Variants in ZNF558 observed in about 807,000 individuals in gnomAD.
ZNF558 encodes zinc finger protein 558.
A neutral mutation model predicts 37.6 loss-of-function variants in ZNF558; 23 were observed. The observed-to-expected ratio is 0.61, with a 90% CI of 0.44 to 0.87. The LOEUF (loss-of-function observed/expected upper bound fraction) is 0.87. Among genes scored for constraint, ZNF558 ranks in the 40% least tolerant of loss-of-function variants. The pLI, the probability that ZNF558 is intolerant of heterozygous loss-of-function variation, is 0.00. For synonymous variants in ZNF558, 189 were observed against 174.4 expected (o/e 1.08, Z -0.66); for missense variants, 429 against 483.7 (o/e 0.89, Z 1.06).
chr19:8,823,983 CCT>C (rs1176660147), intron 4 of ZNF558, 97 bp downstream of exon 4: 1 of 153,004 alleles, frequency 6.5e-6, no homozygotes, highest in Non-Finnish European at 1.5e-5. Context: ...TCCCCTGTCC[CCT>C]CTGTGGTAAC....
chr19:8,831,590 G>C (rs1028993647), intron 1 of ZNF558, among the ~76,000 whole-genome samples, 189 bp from the exon 2 acceptor site: 1 of 152,202 alleles, frequency 6.6e-6, no homozygotes, highest in African/African-American at 2.4e-5. Context: ...CATCTGCTCC[G>C]TAAGAGGGGA....
chr19:8,810,022 T>C lies in ZNF558; in HGVS notation c.*1259A>G, dbSNP rs2043746465. 6.6e-6 allele frequency: 1 copy of C among 152,236 alleles called. No individual in the cohort carries two copies. Among genetic ancestry groups the C allele is most frequent in the Non-Finnish European group, 1.5e-5 (1 of 68,018 alleles). The allele number at this position is 152,236 out of a possible 1,614,324, so 9.4% of individuals were successfully genotyped here. A position where few individuals can be genotyped will look rare whatever the true frequency, so the allele number is the denominator to read the frequency against. On this transcript the variant is annotated 3_prime_UTR_variant, in exon 10 of 10. Transcript: ENST00000601372. ...TTTCCAATATTAATATACTCATAGGTTTTGCATCCAGGGAGAAGTTCCATA... is the reference window on the plus strand; with the variant it reads ...TTTCCAATATTAATATACTCATAGGCTTTGCATCCAGGGAGAAGTTCCATA...
chr19:8,836,388 TTCC>T (rs1277946897), upstream of ZNF558, among the ~76,000 whole-genome samples: 1 of 151,598 alleles, frequency 6.6e-6, no homozygotes. Context: ...ACTCCTCCCC[TTCC>T]TCCTCCTCCT....
Position 8,813,165 on chromosome 19 carries a change from A to C in ZNF558, c.305T>G (p.Val102Gly). The change falls in exon 8 of 10, where the codon GTG (valine) becomes GGG (glycine). Residue 102 changes from valine to glycine, a missense_variant. Physicochemically the swap from Val to Gly is moderately radical, Grantham distance 109. Coordinates refer to ENST00000601372, the MANE Select transcript of ZNF558 (RefSeq NM_144693.3). ...ISQLEQDKKV[V>G]TEERGILPST... ...TGGTAGAATTCCTCTTTCCTCTGTCACCACCTTCTTGTCTTGTTCCAACTG... is the reference window on the plus strand; with the variant it reads ...TGGTAGAATTCCTCTTTCCTCTGTCCCCACCTTCTTGTCTTGTTCCAACTG... 9 of 1,599,294 alleles carry C rather than the reference A, an allele frequency of 5.6e-6. No individual in the cohort carries two copies. Among genetic ancestry groups the C allele is most frequent in the Non-Finnish European group, 7.7e-6 (9 of 1,172,306 alleles).
chr19:8,816,554 A>G (rs1330522514), intron 7 of ZNF558, among the ~76,000 whole-genome samples: 2 of 152,184 alleles, frequency 1.3e-5, no homozygotes, highest in African/African-American at 2.4e-5. Flanking sequence ...CAAGAATTCT[A>G]TATCTGGCAA....
intron 3 of ZNF558, among the ~76,000 whole-genome samples, 192 bp from the exon 4 acceptor site, chr19:8,824,609 G>A (rs138888913): frequency 1.2e-3 from 190 of 152,264 alleles, no homozygotes; most frequent in African/African-American, 4.5e-3. Flanking sequence ...TGCAACCTGT[G>A]CCCCACCCTT....
In ZNF558 at chr19:8,821,232, C is replaced by T; in HGVS notation, c.195G>A (p.Arg65=). The T allele has an allele frequency of 2.5e-6, 4 of 1,614,198 alleles. No individual in the cohort carries two copies. Among genetic ancestry groups the T allele is most frequent in the Non-Finnish European group, 3.4e-6 (4 of 1,180,040 alleles). Residue 65 remains arginine, a synonymous_variant, in exon 7 of 10, where the codon AGG becomes AGA. Coordinates refer to ENST00000601372, the MANE Select transcript of ZNF558 (RefSeq NM_144693.3). ...EEWALLDPAQ[R]TLYRDVMLEN... is the part of the protein sequence containing the mutation. ...CCAGCATCACATCCCTGTACAGTGT[C>T]CTTTGGGCAGGGTCCAGCAACGCCC...
chr19:8,821,231 T>A lies in ZNF558; in HGVS notation c.196A>T (p.Thr66Ser), dbSNP rs149091563. 3 of 1,614,040 alleles carry A rather than the reference T, an allele frequency of 1.9e-6. No homozygotes were observed. The highest frequency in any genetic ancestry group is 2.5e-6 in the Non-Finnish European group (3 of 1,180,040). Residue 66 changes from threonine to serine, a missense_variant, in exon 7 of 10, where the codon ACA (threonine) becomes TCA (serine). By Grantham distance (58) the Thr-to-Ser change is moderately conservative. Coordinates refer to ENST00000601372, the MANE Select transcript of ZNF558 (RefSeq NM_144693.3). ...EWALLDPAQR[T>S]LYRDVMLENC... ...TCCAGCATCACATCCCTGTACAGTGTCCTTTGGGCAGGGTCCAGCAACGCC... is the reference window on the plus strand; with the variant it reads ...TCCAGCATCACATCCCTGTACAGTGACCTTTGGGCAGGGTCCAGCAACGCC...
upstream of ZNF558, among the ~76,000 whole-genome samples, chr19:8,834,721 A>T (rs1191689219): frequency 2.6e-5 from 4 of 152,152 alleles, no homozygotes; most frequent in Non-Finnish European, 5.9e-5. Flanking sequence ...TACAAAAGTG[A>T]GCTCAAAATA....
rs781819060 is a variant in ZNF558, at chr19:8,811,698, A to G, written c.792T>C (p.His264=). ...AAGCTTTTCCACACTGATTACATTC[A>G]TGGTGATTCTCCCCCGTGTGAATCC... is the stretch of plus-strand genomic sequence containing the variant. ...HKRIHTGENH[H]ECNQCGKAFS... The change falls in exon 10 of 10, where the codon CAT becomes CAC. Residue 264 remains histidine, a synonymous_variant. Coordinates refer to ENST00000601372, the MANE Select transcript of ZNF558 (RefSeq NM_144693.3). The G allele has an allele frequency of 2.5e-6, 4 of 1,614,174 alleles. No individual in the cohort carries two copies. In the South Asian group the frequency reaches 3.3e-5, roughly 13 times the overall value.
At chr19:8,833,329 A>T (rs1034095947), upstream of ZNF558, 2 of 152,240 alleles carry the variant, frequency 1.3e-5, no homozygotes, top group Admixed American at 6.5e-5. Context: ...GGGGAGCAGG[A>T]GAGGACTGGG....
At position 8,811,854 on chromosome 19, in the gene ZNF558, G is replaced by C. The variant is rs1555768243; in HGVS notation, c.636C>G (p.His212Gln). ...HNGEKPYECN[H>Q]CGKAFSDPSS... Reference sequence around the variant, plus strand: ...AGGGATCACTAAATGCTTTCCCACAGTGATTGCATTCATAGGGTTTCTCCC... The same window carrying C: ...AGGGATCACTAAATGCTTTCCCACACTGATTGCATTCATAGGGTTTCTCCC... The change falls in exon 10 of 10, where the codon CAC (histidine) becomes CAG (glutamine). Residue 212 changes from histidine to glutamine, a missense_variant. By Grantham distance (24) the His-to-Gln change is conservative. Transcript: ENST00000601372. 2 of 1,614,116 alleles carry C rather than the reference G, an allele frequency of 1.2e-6. No homozygotes were observed. Among genetic ancestry groups the C allele is most frequent in the African/African-American group, 1.3e-5 (1 of 75,036 alleles).
upstream of ZNF558, among the ~76,000 whole-genome samples, chr19:8,835,048 G>GTT (rs777643019): frequency 2.0e-4 from 29 of 142,234 alleles, no homozygotes; most frequent in Admixed American, 2.1e-4. Flanking sequence ...TGAACAAAGA[G>GTT]TTTTTTTTTT....
At position 8,806,913 on chromosome 19, in the gene ZNF558, A is replaced by C. The variant is rs1425502179; in HGVS notation, c.*4368T>G. 1 of 152,008 alleles carries C rather than the reference A, an allele frequency of 6.6e-6. No individual in the cohort carries two copies. Among genetic ancestry groups the C allele is most frequent in the African/African-American group, 2.4e-5 (1 of 41,368 alleles). The allele number at this position is 152,008 out of a possible 1,614,324, so 9.4% of individuals were successfully genotyped here. On this transcript the variant is annotated 3_prime_UTR_variant, in exon 10 of 10. Coordinates refer to ENST00000601372, the MANE Select transcript of ZNF558 (RefSeq NM_144693.3). ...TCTTACTGATGCTGCTTTGAAAGCA[A>C]TGTGTCCTTCTTCTTTGGTTGTTTG...
At chr19:8,832,967 T>TG (rs150231304), upstream of ZNF558, 1,703 of 101,328 alleles carry the variant, frequency 0.017, 54 homozygotes, top group East Asian at 0.17. Flanking sequence ...GGCGGAGCTA[T>TG]GGGGTGGCAG....
In ZNF558 at chr19:8,821,441, C is replaced by T. The variant is rs936179580; in HGVS notation, c.121-135G>A. Reference sequence around the variant, plus strand: ...GTTGGGGGGGGTGGTTCTGAGCTCACCTCCCAGGGTTCTGAGCTCCTCTCC... The same window carrying T: ...GTTGGGGGGGGTGGTTCTGAGCTCATCTCCCAGGGTTCTGAGCTCCTCTCC... On this transcript the variant is annotated intron_variant, in intron 6 of 9. Coordinates refer to ENST00000601372, the MANE Select transcript of ZNF558 (RefSeq NM_144693.3). 4.5e-6 allele frequency: 7 copies of T among 1,554,564 alleles called. No individual in the cohort carries two copies. In the Admixed American group the frequency reaches 1.1e-4, roughly 25 times the overall value.
chr19:8,817,456 T>G (rs1030567841), intron 7 of ZNF558, among the ~76,000 whole-genome samples: 1 of 151,466 alleles, frequency 6.6e-6, no homozygotes, highest in African/African-American at 2.5e-5. Context: ...AACTGTAGGC[T>G]AATGTAAGTG....
chr19:8,806,598 C>T lies in ZNF558; in HGVS notation c.*4683G>A, dbSNP rs2043705831. The T allele has an allele frequency of 6.6e-6, 1 of 151,296 alleles. No homozygotes were observed. The highest frequency in any genetic ancestry group is 2.1e-4 in the South Asian group (1 of 4,810). 9.4% of individuals were successfully genotyped at this position (151,296 alleles called of 1,614,324 possible). A position where few individuals can be genotyped will look rare whatever the true frequency, so the allele number is the denominator to read the frequency against. On this transcript the variant is annotated 3_prime_UTR_variant, in exon 10 of 10. Transcript: ENST00000601372. ...CCTGTAGTCCCAGCTACTCAGGAGG[C>T]TGAGGCAGGAGAATCACTTGAACCC...
At position 8,822,726 on chromosome 19, in the gene ZNF558, TG is replaced by T; in HGVS notation, c.-65-3del. 2 of 1,612,756 alleles carry T rather than the reference TG, an allele frequency of 1.2e-6. No individual in the cohort carries two copies. Among genetic ancestry groups the T allele is most frequent in the Non-Finnish European group, 8.5e-7 (1 of 1,179,396 alleles). On this transcript the variant is annotated splice_polypyrimidine_tract_variant and splice_region_variant and intron_variant, in intron 4 of 9. Transcript: ENST00000601372. The surrounding 1 kb of genome is among the most constrained non-coding windows in gnomAD (Gnocchi z 4.4). ...GCTCCTCCTTTATCCCGCAGCGCTC[TG>T]GAAGAAACGGGAATGCTCCAAGTCT...
Sources: gnomAD v4.1 joint callset for allele counts (sites outside exome capture counted in the v4.1 genomes callset) on GRCh38, gnomAD v4.1.1 for gene constraint, Gnocchi (gnomAD v3.1) non-coding constraint, MANE v1.5 for transcripts, NCBI Gene and HGNC (gene_info 2026-07-23, HGNC 2026-07-21) for gene names.